KPNA7: variants seen among roughly 807,000 people sequenced by gnomAD.
KPNA7 encodes karyopherin subunit alpha 7.
A neutral mutation model predicts 53.7 loss-of-function variants in KPNA7; 54 were observed. The ratio of observed to expected loss-of-function variants is 1.01; its 90% CI spans 0.81 to 1.26. The LOEUF is 1.26. Ranked by LOEUF, KPNA7 falls within the 50% of genes most tolerant of loss-of-function variation. The pLI is 0.00. For synonymous variants in KPNA7, 276 were observed against 259.3 expected, an observed-to-expected ratio of 1.06 and a Z score of -0.62; for missense variants, 640 against 644.5, an observed-to-expected ratio of 0.99 and a Z score of 0.07.
downstream of KPNA7, among the ~76,000 whole-genome samples, chr7:99,171,532 C>A (rs1180675750): frequency 6.6e-6 from 1 of 152,148 alleles, no homozygotes; most frequent in Non-Finnish European, 1.5e-5. Context: ...GCCTCCAACT[C>A]CCTGGCTCAA....
the KPNA7 span, among the ~76,000 whole-genome samples, chr7:99,162,778 T>C: frequency 1.3e-5 from 2 of 152,148 alleles, no homozygotes; most frequent in Non-Finnish European, 2.9e-5. Context: ...CCTATCTTTG[T>C]AAACCATCTC....
chr7:99,218,903 G>A (rs1445766122), intron 1 of KPNA7, among the ~76,000 whole-genome samples: 4 of 152,236 alleles, frequency 2.6e-5, no homozygotes, highest in African/African-American at 9.6e-5. Flanking sequence ...TGGAGCCGGG[G>A]CTCGTGCACA....
the KPNA7 span, among the ~76,000 whole-genome samples, chr7:99,162,573 GCTC>G: frequency 6.6e-6 from 1 of 152,062 alleles, no homozygotes; most frequent in Non-Finnish European, 1.5e-5. Flanking sequence ...AAGGCAAATT[GCTC>G]CTTTTTTTAA....
At chr7:99,181,568 G>A (rs1799274691) in intron 9 of KPNA7, among the ~76,000 whole-genome samples, 1 of 152,206 alleles carries the variant, frequency 6.6e-6, no homozygotes, top group Non-Finnish European at 1.5e-5. Context: ...TTTGTTTTGA[G>A]ACGGAGTCTG....
Position 99,182,056 on chromosome 7 carries a change from T to C in KPNA7, c.1144A>G (p.Lys382Glu), listed in dbSNP as rs1789279973. The C allele has an allele frequency of 3.3e-6, 5 of 1,533,978 alleles. No individual in the cohort carries two copies. The highest frequency in any genetic ancestry group is 4.4e-6 in the Non-Finnish European group (5 of 1,134,576). The change falls in exon 9 of 11, where the codon AAA becomes GAA. Residue 382 changes from lysine to glutamate, a missense_variant. Transcript: ENST00000327442. ...LVALLKNGEFKVQKEAVWMVA... is the reference protein window; with the variant it reads ...LVALLKNGEFEVQKEAVWMVA... Reference sequence around the variant, plus strand: ...ATCCAGACAGCCTCTTTCTGGACTTTAAATTCTCCCTGCAGAACAAGAATG... The same window carrying C: ...ATCCAGACAGCCTCTTTCTGGACTTCAAATTCTCCCTGCAGAACAAGAATG...
At chr7:99,194,928 C>G in intron 5 of KPNA7, 142 bp downstream of exon 5, 1 of 1,052,338 alleles carries the variant, frequency 9.5e-7, no homozygotes, top group Non-Finnish European at 1.4e-6. Flanking sequence ...GGAAACAGCT[C>G]ATTGTACCCT....
chr7:99,163,357 GTGTATA>G, the KPNA7 span, among the ~76,000 whole-genome samples: 2 of 65,840 alleles, frequency 3.0e-5, no homozygotes, highest in African/African-American at 1.1e-4. Flanking sequence ...ATATGAGTGT[GTGTATA>G]TATATATATA....
Position 99,181,886 on chromosome 7 carries a change from G to A in KPNA7, c.1314C>T (p.Leu438=), listed in dbSNP as rs747566933. 2 of 1,540,978 alleles carry A rather than the reference G, an allele frequency of 1.3e-6. No homozygotes were observed. The highest frequency in any genetic ancestry group is 2.7e-5 in the African/African-American group (2 of 72,798). Residue 438 remains leucine, a synonymous_variant, in exon 9 of 11, where the codon CTC becomes CTT. Transcript: ENST00000327442. Reference sequence around the variant, plus strand: ...CAACCTGTTCAGAACGGCTCACCTGGAGGATGCAAGAGATGACATCAAGGA... The same window carrying A: ...CAACCTGTTCAGAACGGCTCACCTGAAGGATGCAAGAGATGACATCAAGGA... The part of the protein sequence containing the change: ...LIILDVISCI[L]QAAEKRSEKE...
At chr7:99,153,642 G>T in the KPNA7 span, among the ~76,000 whole-genome samples, 235 of 151,942 alleles carry the variant, frequency 1.5e-3, no homozygotes, top group African/African-American at 5.5e-3. Context: ...TTACTGAATG[G>T]AATGCATAGA....
At chr7:99,157,397 C>A in the KPNA7 span, among the ~76,000 whole-genome samples, 28 of 152,082 alleles carry the variant, frequency 1.8e-4, no homozygotes, top group Admixed American at 1.8e-3. Context: ...TTAGTAGAAA[C>A]AGGGTTTCTC....
At chr7:99,169,307 G>A (rs6954584), downstream of KPNA7, among the ~76,000 whole-genome samples, 29,916 of 152,184 alleles carry the variant, frequency 0.2, 3,085 homozygotes, top group South Asian at 0.33. Flanking sequence ...TGAGAAAAAT[G>A]AGTATTTTGC....
chr7:99,155,819 C>T, the KPNA7 span, among the ~76,000 whole-genome samples: 3 of 151,988 alleles, frequency 2.0e-5, no homozygotes. Flanking sequence ...CCTGTCTTGG[C>T]CTCCCAAAGT....
chr7:99,149,849 C>T, the KPNA7 span, among the ~76,000 whole-genome samples: 3 of 152,152 alleles, frequency 2.0e-5, no homozygotes, highest in African/African-American at 7.2e-5. Context: ...TATAGCAGCA[C>T]GATCTCGGCT....
chr7:99,170,810 G>T (rs374267149), downstream of KPNA7, among the ~76,000 whole-genome samples: 4 of 152,114 alleles, frequency 2.6e-5, no homozygotes, highest in African/African-American at 4.8e-5. Context: ...AAAATAATTG[G>T]CAATCAGAGT....
chr7:99,158,393 A>C, the KPNA7 span, among the ~76,000 whole-genome samples: 2 of 151,742 alleles, frequency 1.3e-5, no homozygotes, highest in African/African-American at 4.8e-5. Flanking sequence ...TCAGACCTCC[A>C]GTTCTGGACT....
At chr7:99,187,494 T>C (rs540688996) in intron 7 of KPNA7, among the ~76,000 whole-genome samples, 1 of 151,394 alleles carries the variant, frequency 6.6e-6, no homozygotes, top group Non-Finnish European at 1.5e-5. Flanking sequence ...GCTCAATAAA[T>C]TCTCCCAACT....
At chr7:99,179,789 T>C (rs1799082147) in intron 9 of KPNA7, among the ~76,000 whole-genome samples, 1 of 151,766 alleles carries the variant, frequency 6.6e-6, no homozygotes, top group Non-Finnish European at 1.5e-5. Context: ...TGCTCAGGCT[T>C]GTCTTGAAGT....
At chr7:99,217,500 A>T (rs993740246) in intron 1 of KPNA7, among the ~76,000 whole-genome samples, 6 of 151,942 alleles carry the variant, frequency 3.9e-5, no homozygotes, top group African/African-American at 1.4e-4. Context: ...CCCAAGATGC[A>T]TTGGTCCACA....
intron 5 of KPNA7, 106 bp from the exon 6 acceptor site, chr7:99,193,207 T>C: frequency 1.5e-6 from 1 of 645,290 alleles, no homozygotes; most frequent in Non-Finnish European, 2.5e-6. Context: ...AAAAACTCAT[T>C]CCCGGGTTTA....
Sources: gnomAD v4.1 joint callset for allele counts (sites outside exome capture counted in the v4.1 genomes callset) on GRCh38, gnomAD v4.1.1 for gene constraint, MANE v1.5 for transcripts, NCBI Gene and HGNC (gene_info 2026-07-23, HGNC 2026-07-21) for gene names.